LRRC7: variants seen among roughly 807,000 people sequenced by gnomAD.
LRRC7 encodes leucine rich repeat containing 7, also known as leucine-rich repeat-containing protein 7.
A neutral mutation model predicts 175.7 loss-of-function variants in LRRC7; 23 were observed. That is an observed-to-expected ratio of 0.13 (90% CI 0.09 to 0.19). LRRC7 has a LOEUF of 0.19. LRRC7 is among the 10% of genes least tolerant of loss of function. LRRC7 has a pLI of 1.00. For missense variants in LRRC7, 1,354 were observed against 1,904.7 expected (o/e 0.71, Z 5.38); for synonymous variants, 685 against 680.9 (o/e 1.01, Z -0.09).
intron 1 of LRRC7, among the ~76,000 whole-genome samples, chr1:69,589,484 C>T (rs1453307939): frequency 6.6e-6 from 1 of 152,030 alleles, no homozygotes; most frequent in Admixed American, 6.6e-5. Context: ...GTCCTCTGGC[C>T]CATGTCTGTA....
chr1:69,624,298 G>A (rs1651128794), intron 1 of LRRC7, among the ~76,000 whole-genome samples: 1 of 151,902 alleles, frequency 6.6e-6, no homozygotes, highest in Admixed American at 6.6e-5. Flanking sequence ...CTTTTTATAT[G>A]TTTATTAGCC....
At chr1:69,742,130 G>A (rs1668778445) in intron 2 of LRRC7, among the ~76,000 whole-genome samples, 1 of 152,062 alleles carries the variant, frequency 6.6e-6, no homozygotes, top group East Asian at 1.9e-4. Flanking sequence ...AATCCTTAAG[G>A]TTATAAATTG....
At chr1:69,749,702 A>G (rs1669622674) in intron 2 of LRRC7, among the ~76,000 whole-genome samples, 1 of 152,146 alleles carries the variant, frequency 6.6e-6, no homozygotes, top group Non-Finnish European at 1.5e-5. Flanking sequence ...GATGAAGAAA[A>G]TAGATGAAAG....
intron 1 of LRRC7, among the ~76,000 whole-genome samples, chr1:69,624,842 T>G (rs77951225): frequency 0.13 from 19,468 of 152,136 alleles, 1,572 homozygotes; most frequent in South Asian, 0.19. Context: ...TGGACTGTTG[T>G]TTTTCATTGA....
chr1:70,051,339 A>T (rs183321354), intron 22 of LRRC7, among the ~76,000 whole-genome samples: 11 of 152,188 alleles, frequency 7.2e-5, no homozygotes, highest in Non-Finnish European at 1.6e-4. Flanking sequence ...GTCAGAAAAG[A>T]TAAATACTAA....
chr1:70,088,312 T>C (rs1663763086), intron 24 of LRRC7, among the ~76,000 whole-genome samples: 1 of 152,170 alleles, frequency 6.6e-6, no homozygotes, highest in African/African-American at 2.4e-5. Flanking sequence ...ATTCCAGTGC[T>C]TTGGGAGGCC....
chr1:69,958,621 T>C lies in LRRC7; in HGVS notation c.712-21758T>C, dbSNP rs555329505. Reference sequence around the variant, plus strand: ...AATAAGTCCAGATCTAGAGTTCCTGTAAAGACAAGAAGAGATTTAGATCTC... The same window carrying C: ...AATAAGTCCAGATCTAGAGTTCCTGCAAAGACAAGAAGAGATTTAGATCTC... On this transcript the variant is annotated intron_variant, in intron 8 of 26. Transcript: ENST00000651989. Among the ~76,000 whole-genome samples the C allele has an allele frequency of 3.9e-5, 6 of 152,112 alleles. No homozygotes were observed. The South Asian group carries it at 1.2e-3, about 32-fold the overall frequency.
At chr1:69,973,877 T>C (rs1652533709) in intron 8 of LRRC7, among the ~76,000 whole-genome samples, 1 of 152,224 alleles carries the variant, frequency 6.6e-6, no homozygotes, top group Admixed American at 6.5e-5. Flanking sequence ...TGAACCTCCA[T>C]GCCCAGCCAT....
rs1046591079 is a variant in LRRC7, at chr1:70,129,706, A to G, written c.*7819A>G. On this transcript the variant is annotated 3_prime_UTR_variant, in exon 27 of 27. Coordinates refer to ENST00000651989, the MANE Select transcript of LRRC7 (RefSeq NM_001370785.2). ...GCTGCATTTCATGTTTATTTACTTC[A>G]CTTTTTGGGTGGAGAACATTTTCAC... Among the ~76,000 whole-genome samples, 3 of 152,076 alleles carry G rather than the reference A, an allele frequency of 2.0e-5. No individual in the cohort carries two copies. The highest frequency in any genetic ancestry group is 4.8e-5 in the African/African-American group (2 of 41,412).
intron 1 of LRRC7, among the ~76,000 whole-genome samples, chr1:69,649,945 CAG>C (rs1655552361): frequency 6.6e-6 from 1 of 151,798 alleles, no homozygotes; most frequent in Non-Finnish European, 1.5e-5. Flanking sequence ...GGAGATTTAA[CAG>C]ATATGAATAC....
intron 7 of LRRC7, among the ~76,000 whole-genome samples, chr1:69,844,781 T>G (rs1440365122): frequency 6.6e-6 from 1 of 152,092 alleles, no homozygotes; most frequent in Non-Finnish European, 1.5e-5. Context: ...TACCATACTG[T>G]TTTCCATAGG....
rs1666637198 is a variant in LRRC7 at position 70,130,895 on chromosome 1, A to G, written c.*9008A>G. On this transcript the variant is annotated 3_prime_UTR_variant, in exon 27 of 27. Transcript: ENST00000651989. ...CTAAATTTTAATCAAACTGCTGCCA[A>G]ATGCTGCCCGTCCTTTAAGTAGATA... 2.0e-5 allele frequency among the ~76,000 whole-genome samples: 3 copies of G among 152,154 alleles called. No homozygotes were observed. Among genetic ancestry groups the G allele is most frequent in the African/African-American group, 4.8e-5 (2 of 41,422 alleles).
intron 7 of LRRC7, among the ~76,000 whole-genome samples, chr1:69,906,775 A>G (rs2101685698): frequency 6.6e-6 from 1 of 152,294 alleles, no homozygotes; most frequent in Non-Finnish European, 1.5e-5. Flanking sequence ...ACTTTAAAGC[A>G]GTTTTTTCCA....
intron 1 of LRRC7, among the ~76,000 whole-genome samples, chr1:69,649,493 A>G (rs143365213): frequency 2.0e-5 from 3 of 152,336 alleles, no homozygotes; most frequent in African/African-American, 7.2e-5. Context: ...TGTATGACAT[A>G]TAAAAGGTAA....
chr1:69,900,341 A>G (rs952139786), intron 7 of LRRC7, among the ~76,000 whole-genome samples: 2 of 152,192 alleles, frequency 1.3e-5, no homozygotes, highest in African/African-American at 4.8e-5. Context: ...TAAAACCCAG[A>G]ATCTACATCT....
intron 2 of LRRC7, among the ~76,000 whole-genome samples, chr1:69,751,754 T>C (rs890643911): frequency 2.0e-5 from 3 of 152,122 alleles, no homozygotes; most frequent in Admixed American, 6.6e-5. Context: ...GTGAAGACCA[T>C]GTAGAGAAAG....
chr1:70,109,827 T>A (rs1175611490), intron 26 of LRRC7, among the ~76,000 whole-genome samples: 2 of 152,174 alleles, frequency 1.3e-5, no homozygotes, highest in Non-Finnish European at 2.9e-5. Flanking sequence ...ATGGCTAATT[T>A]TTTTCTCCAC....
intron 7 of LRRC7, among the ~76,000 whole-genome samples, chr1:69,927,671 G>A (rs983998196): frequency 6.6e-6 from 1 of 152,056 alleles, no homozygotes; most frequent in Non-Finnish European, 1.5e-5. Context: ...GCTCCTTTAA[G>A]GACTTCTCTG....
At chr1:69,642,865 T>C (rs994891547) in intron 1 of LRRC7, among the ~76,000 whole-genome samples, 1 of 149,258 alleles carries the variant, frequency 6.7e-6, no homozygotes, top group Admixed American at 6.7e-5. Context: ...GATTATACGA[T>C]TGATTGGAAG....
Sources: gnomAD v4.1 joint callset for allele counts (sites outside exome capture counted in the v4.1 genomes callset) on GRCh38, gnomAD v4.1.1 for gene constraint, MANE v1.5 for transcripts, NCBI Gene and HGNC (gene_info 2026-07-23, HGNC 2026-07-21) for gene names.